ARHGAP15: variants seen among roughly 807,000 people sequenced by gnomAD.
ARHGAP15 encodes Rho GTPase activating protein 15, also known as rho GTPase-activating protein 15.
ARHGAP15 carries 51 observed loss-of-function variants against 63.7 expected under a neutral mutation model. The ratio of observed to expected loss-of-function variants is 0.80; its 90% confidence interval spans 0.64 to 1.01. The LOEUF (loss-of-function observed/expected upper bound fraction) is 1.01. Ranked by LOEUF, ARHGAP15 falls within the 50% of genes least tolerant of loss-of-function variation. The pLI, the probability that ARHGAP15 is intolerant of heterozygous loss-of-function variation, is 0.00. For missense variants in ARHGAP15, 560 were observed against 564.6 expected, an observed-to-expected ratio of 0.99 and a Z score of 0.08; for synonymous variants, 191 against 193.8, an observed-to-expected ratio of 0.99 and a Z score of 0.12.
chr2:143,495,723 T>C (rs1330055742), intron 9 of ARHGAP15, among the ~76,000 whole-genome samples: 2 of 152,206 alleles, frequency 1.3e-5, no homozygotes, highest in South Asian at 2.1e-4. Flanking sequence ...AAGAGAAAAG[T>C]GTTTTTTAAA....
chr2:143,726,046 G>C (rs1424047787), intron 13 of ARHGAP15, among the ~76,000 whole-genome samples: 1 of 152,174 alleles, frequency 6.6e-6, no homozygotes, highest in Non-Finnish European at 1.5e-5. Context: ...ATGCAGTTTT[G>C]CTGTGGGAAG....
intron 11 of ARHGAP15, among the ~76,000 whole-genome samples, chr2:143,612,731 A>G (rs752190969): frequency 2.0e-5 from 3 of 152,202 alleles, no homozygotes; most frequent in Non-Finnish European, 4.4e-5. Context: ...TCACTAGCAG[A>G]ATGATTGAGG....
chr2:143,265,306 A>G (rs1001703234), intron 6 of ARHGAP15, among the ~76,000 whole-genome samples: 2 of 151,920 alleles, frequency 1.3e-5, no homozygotes, highest in Admixed American at 6.6e-5. Flanking sequence ...AGAAGTTCTA[A>G]CCCCAAAATT....
intron 12 of ARHGAP15, among the ~76,000 whole-genome samples, chr2:143,647,350 C>CCAAGTAGTTAAAAAA (rs1680930473): frequency 7.6e-6 from 1 of 131,044 alleles, no homozygotes; most frequent in Non-Finnish European, 1.7e-5. Context: ...TAGGATATCA[C>CCAAGTAGTTAAAAAA]CAAGTAGTTA....
chr2:143,274,459 A>G (rs2105061741), intron 6 of ARHGAP15, among the ~76,000 whole-genome samples: 1 of 152,344 alleles, frequency 6.6e-6, no homozygotes, highest in East Asian at 1.9e-4. Context: ...CAAGAAATTG[A>G]TTCTATTTGT....
intron 12 of ARHGAP15, chr2:143,683,005 G>T (rs150513938): frequency 6.6e-6 from 1 of 152,106 alleles, no homozygotes; most frequent in Non-Finnish European, 1.5e-5. Context: ...GGAATACATT[G>T]TGGTTAAAAA....
intron 13 of ARHGAP15, chr2:143,766,921 C>T (rs182562498): frequency 1.3e-5 from 2 of 152,226 alleles, no homozygotes; most frequent in African/African-American, 4.8e-5. Flanking sequence ...CCACTTAGGC[C>T]AAACAAAGAG....
chr2:143,431,941 A>C (rs1017147824), intron 6 of ARHGAP15, among the ~76,000 whole-genome samples: 9 of 152,018 alleles, frequency 5.9e-5, no homozygotes, highest in African/African-American at 2.2e-4. Flanking sequence ...CATCTTTGGT[A>C]ATCTCCCCAT....
intron 6 of ARHGAP15, among the ~76,000 whole-genome samples, chr2:143,359,414 C>T (rs1307386751): frequency 6.6e-6 from 1 of 152,152 alleles, no homozygotes; most frequent in African/African-American, 2.4e-5. Context: ...TAATTTCCCC[C>T]TTTTTCTATT....
Position 143,204,282 on chromosome 2 carries a change from C to G in ARHGAP15, c.234+2080C>G, listed in dbSNP as rs745429247. Among the ~76,000 whole-genome samples the G allele has an allele frequency of 3.0e-4, 45 of 152,082 alleles. 1 individual carries two copies. Among genetic ancestry groups the G allele is most frequent in the Non-Finnish European group, 3.5e-4 (24 of 67,996 alleles). On this transcript the variant is annotated intron_variant, in intron 3 of 13. Coordinates refer to ENST00000295095, the MANE Select transcript of ARHGAP15 (RefSeq NM_018460.4). ...ATGTAAATTAGATTTTGTTTCTTAT[C>G]TTAGTCAGTCTGTTACTACAACAGA... is the stretch of plus-strand genomic sequence containing the variant.
intron 13 of ARHGAP15, among the ~76,000 whole-genome samples, chr2:143,720,111 T>G (rs1684980952): frequency 6.6e-6 from 1 of 152,060 alleles, no homozygotes; most frequent in African/African-American, 2.4e-5. Flanking sequence ...TGCAGTTAGT[T>G]GTATGTAGGA....
intron 6 of ARHGAP15, among the ~76,000 whole-genome samples, chr2:143,382,049 C>T (rs539471454): frequency 7.3e-5 from 11 of 151,044 alleles, no homozygotes; most frequent in African/African-American, 1.2e-4. Context: ...CCCTTCTTTC[C>T]TTTCTTGCTT....
intron 6 of ARHGAP15, among the ~76,000 whole-genome samples, chr2:143,291,516 G>A (rs2105119555): frequency 1.3e-5 from 2 of 152,034 alleles, no homozygotes; most frequent in South Asian, 4.2e-4. Flanking sequence ...AAAATCAAAT[G>A]TTATAGTTTT....
intron 6 of ARHGAP15, among the ~76,000 whole-genome samples, chr2:143,428,419 T>C (rs1689224991): frequency 6.6e-6 from 1 of 151,604 alleles, no homozygotes; most frequent in Admixed American, 6.6e-5. Context: ...AGCCTCAGAA[T>C]GATATCAAGC....
intron 6 of ARHGAP15, among the ~76,000 whole-genome samples, chr2:143,321,530 G>C (rs886071997): frequency 6.6e-5 from 10 of 152,224 alleles, no homozygotes; most frequent in African/African-American, 2.4e-4. Context: ...TGGCCTTGCC[G>C]TGGTCACCTG....
intron 3 of ARHGAP15, among the ~76,000 whole-genome samples, chr2:143,202,774 T>C (rs1287784600): frequency 6.6e-6 from 1 of 151,928 alleles, no homozygotes; most frequent in Non-Finnish European, 1.5e-5. Context: ...TTTTTTTTGT[T>C]ATTGTTGTTG....
At chr2:143,657,951 C>T (rs1205871229) in intron 12 of ARHGAP15, among the ~76,000 whole-genome samples, 1 of 152,218 alleles carries the variant, frequency 6.6e-6, no homozygotes, top group East Asian at 1.9e-4. Context: ...CCTGTCATAA[C>T]AGTTCTCTCC....
chr2:143,586,617 C>A (rs540019274), intron 11 of ARHGAP15, among the ~76,000 whole-genome samples: 9 of 152,060 alleles, frequency 5.9e-5, no homozygotes, highest in Admixed American at 5.2e-4. Flanking sequence ...CACTGCTTTT[C>A]ATCTTTTTGA....
chr2:143,150,053 G>A (rs1689755962), intron 1 of ARHGAP15, among the ~76,000 whole-genome samples: 1 of 151,926 alleles, frequency 6.6e-6, no homozygotes, highest in African/African-American at 2.4e-5. Context: ...GCTGGGGGGT[G>A]TGGGCCCTGA....
Sources: allele counts gnomAD v4.1 joint callset (sites outside exome capture counted in the v4.1 genomes callset), GRCh38; gene constraint gnomAD v4.1.1; transcripts MANE v1.5; gene names NCBI Gene and HGNC (gene_info 2026-07-23, HGNC 2026-07-21).